KALRN: variants seen among roughly 807,000 people sequenced by gnomAD.
The protein encoded by KALRN is kalirin RhoGEF kinase.
KALRN carries 70 observed loss-of-function variants against 353.7 expected under a neutral mutation model. The observed-to-expected ratio is 0.20, with a 90% confidence interval of 0.16 to 0.24. The LOEUF (loss-of-function observed/expected upper bound fraction) is 0.24, where lower values mean the gene tolerates loss of function less well. KALRN is among the 10% of genes least tolerant of loss of function. The pLI, the probability that KALRN is intolerant of heterozygous loss-of-function variation, is 1.00. For missense variants in KALRN, 2,791 were observed against 3,756.7 expected (o/e 0.74, Z 6.72); for synonymous variants, 1,391 against 1,434.8 (o/e 0.97, Z 0.69).
At chr3:124,480,788 TA>T (rs1176207158) in intron 27 of KALRN, among the ~76,000 whole-genome samples, 2 of 152,230 alleles carry the variant, frequency 1.3e-5, no homozygotes, top group Non-Finnish European at 2.9e-5. Flanking sequence ...GGACATTTCA[TA>T]AAATTGAGTC....
In KALRN at chr3:124,284,345, T is replaced by C. The variant is rs549445139; in HGVS notation, c.970-14446T>C. Among the ~76,000 whole-genome samples the C allele has an allele frequency of 2.6e-5, 4 of 152,334 alleles. 1 individual carries two copies. The South Asian group carries it at 6.2e-4, about 24-fold the overall frequency. On this transcript the variant is annotated intron_variant, in intron 5 of 59. Coordinates refer to ENST00000682506, the MANE Select transcript of KALRN (RefSeq NM_001388419.1). ...TACTATGGCTTCTTACAATCCCTCA[T>C]TTTATGCTGCTGCTTTAAACCTCCA...
chr3:124,070,127 TAC>T (rs550882180), intron 1 of KALRN, among the ~76,000 whole-genome samples: 165 of 152,326 alleles, frequency 1.1e-3, no homozygotes, highest in African/African-American at 3.6e-3. Context: ...TTACAGTTAG[TAC>T]AGTTAGCTGG....
chr3:124,264,304 A>G (rs1362703787), intron 3 of KALRN, among the ~76,000 whole-genome samples, 194 bp from the exon 4 acceptor site: 2 of 152,236 alleles, frequency 1.3e-5, no homozygotes, highest in Non-Finnish European at 2.9e-5. Context: ...TGCCAGGACC[A>G]TTGGTCAGAT....
intron 33 of KALRN, among the ~76,000 whole-genome samples, chr3:124,543,341 C>G (rs554913000): frequency 2.0e-5 from 3 of 151,276 alleles, no homozygotes; most frequent in Non-Finnish European, 2.9e-5. Context: ...TCACTCTGTC[C>G]CCCAGGCTGG....
chr3:124,418,466 G>A (rs2092621111), intron 14 of KALRN, among the ~76,000 whole-genome samples: 1 of 152,160 alleles, frequency 6.6e-6, no homozygotes, highest in Non-Finnish European at 1.5e-5. Flanking sequence ...CTGAGTGTTA[G>A]GTAGAGGGAG....
chr3:124,398,337 A>G (rs528593533), intron 12 of KALRN, among the ~76,000 whole-genome samples: 57 of 152,306 alleles, frequency 3.7e-4, no homozygotes, highest in African/African-American at 1.3e-3. Context: ...TGTTGGAACT[A>G]TACATATTAG....
intron 34 of KALRN, among the ~76,000 whole-genome samples, chr3:124,604,387 G>A (rs1040719114): frequency 1.3e-5 from 2 of 152,134 alleles, no homozygotes; most frequent in African/African-American, 4.8e-5. Flanking sequence ...CACTCTTGGT[G>A]CTGCTGTTGG....
chr3:124,393,369 C>T (rs114948104), intron 11 of KALRN, among the ~76,000 whole-genome samples: 330 of 152,256 alleles, frequency 2.2e-3, no homozygotes, highest in African/African-American at 7.4e-3. Context: ...CTAGAAAAAA[C>T]GACAGCCAGA....
At chr3:124,423,080 C>T in intron 15 of KALRN, 102 bp downstream of exon 15, 2 of 1,075,752 alleles carry the variant, frequency 1.9e-6, no homozygotes, top group Non-Finnish European at 2.7e-6. Context: ...GCCACAGGTG[C>T]CCCTTTAAGT....
chr3:124,094,679 C>G, intron 1 of KALRN: 2 of 675,314 alleles, frequency 3.0e-6, no homozygotes, highest in South Asian at 3.4e-5. Context: ...CAGTCAGCCT[C>G]TGTGTGGGAG....
chr3:124,356,168 TC>T (rs1357235331), intron 10 of KALRN, among the ~76,000 whole-genome samples: 8 of 151,912 alleles, frequency 5.3e-5, no homozygotes, highest in Non-Finnish European at 1.2e-4. Flanking sequence ...CCTCCTCCAT[TC>T]CCCTCGACCC....
At chr3:124,232,275 A>G (rs1318710388) in intron 2 of KALRN, among the ~76,000 whole-genome samples, 2 of 152,180 alleles carry the variant, frequency 1.3e-5, no homozygotes, top group Non-Finnish European at 2.9e-5. Context: ...GCAACCCTGA[A>G]GCTCATGTCC....
intron 32 of KALRN, among the ~76,000 whole-genome samples, chr3:124,495,506 C>A (rs1419020458): frequency 6.6e-6 from 1 of 151,786 alleles, no homozygotes; most frequent in Admixed American, 6.6e-5. Context: ...GATGCCAAGG[C>A]GGGCAGATCA....
intron 6 of KALRN, among the ~76,000 whole-genome samples, chr3:124,319,426 T>C (rs770448340): frequency 5.4e-4 from 81 of 151,126 alleles, no homozygotes; most frequent in Non-Finnish European, 6.8e-4. Context: ...ATAAAAAGAG[T>C]GAATTGATAA....
intron 3 of KALRN, among the ~76,000 whole-genome samples, chr3:124,238,386 C>T (rs1439238854): frequency 1.3e-5 from 2 of 152,202 alleles, no homozygotes; most frequent in African/African-American, 2.4e-5. Flanking sequence ...AACACTGCTG[C>T]TGCCTCTGGA....
intron 26 of KALRN, among the ~76,000 whole-genome samples, chr3:124,475,211 A>G (rs2061327940): frequency 6.6e-6 from 1 of 152,226 alleles, no homozygotes; most frequent in Non-Finnish European, 1.5e-5. Context: ...TCAAGCATGT[A>G]TCCTTTGAGT....
intron 33 of KALRN, among the ~76,000 whole-genome samples, chr3:124,501,567 G>A (rs145610630): frequency 2.0e-5 from 3 of 152,264 alleles, no homozygotes; most frequent in African/African-American, 4.8e-5. Context: ...GTAGCATGAC[G>A]CCAGTTAACA....
At chr3:124,096,657 C>T (rs543536848) in intron 1 of KALRN, 1 of 152,214 alleles carries the variant, frequency 6.6e-6, no homozygotes, top group African/African-American at 2.4e-5. Context: ...TTCTAAGTGC[C>T]CTTGAATAAA....
At chr3:124,102,471 G>A (rs1458446937) in intron 1 of KALRN, among the ~76,000 whole-genome samples, 1 of 152,160 alleles carries the variant, frequency 6.6e-6, no homozygotes, top group Admixed American at 6.5e-5. Context: ...AGAGACTCGT[G>A]GTCACTAGGT....
Sources: allele counts gnomAD v4.1 joint callset (sites outside exome capture counted in the v4.1 genomes callset), GRCh38; gene constraint gnomAD v4.1.1; transcripts MANE v1.5; gene names NCBI Gene and HGNC (gene_info 2026-07-23, HGNC 2026-07-21).